The following PHF20L1 variants were observed in gnomAD, a reference collection of about 807,000 sequenced individuals.
PHF20L1 encodes PHD finger protein 20 like 1, also known as PHD finger protein 20-like protein 1.
Under a neutral mutation model 125.5 loss-of-function variants are expected in PHF20L1, and 44 were observed. That is an observed-to-expected ratio of 0.35 (90% CI 0.28 to 0.45). The LOEUF (loss-of-function observed/expected upper bound fraction) is 0.45, where lower values mean the gene tolerates loss of function less well. PHF20L1 is among the 20% of genes least tolerant of loss of function. PHF20L1 has a pLI of 1.00. For missense variants in PHF20L1, 1,012 were observed against 1,217.2 expected, an observed-to-expected ratio of 0.83 and a Z score of 2.51; for synonymous variants, 380 against 403.1, an observed-to-expected ratio of 0.94 and a Z score of 0.69.
chr8:132,794,273 A>T, intron 2 of PHF20L1, 137 bp from the exon 3 acceptor site: 1 of 559,224 alleles, frequency 1.8e-6, no homozygotes, highest in South Asian at 2.9e-5. Context: ...TTTTTTGGTT[A>T]GTTTTAAAAT....
At chr8:132,786,890 G>A (rs1831098994) in intron 2 of PHF20L1, among the ~76,000 whole-genome samples, 1 of 152,064 alleles carries the variant, frequency 6.6e-6, no homozygotes, top group Non-Finnish European at 1.5e-5. Flanking sequence ...AAATGCAGGA[G>A]GAATTGATGT....
At chr8:132,836,302 CTT>C (rs759214925) in intron 15 of PHF20L1, 80 of 305,720 alleles carry the variant, frequency 2.6e-4, no homozygotes, top group Admixed American at 6.4e-4. Context: ...CTAAAAGACA[CTT>C]TGAGTTACTT....
intron 12 of PHF20L1, among the ~76,000 whole-genome samples, chr8:132,820,507 A>C (rs1171128380): frequency 6.6e-6 from 1 of 151,938 alleles, no homozygotes; most frequent in Non-Finnish European, 1.5e-5. Flanking sequence ...AGCAAGATTA[A>C]GTGCCTGAAT....
At chr8:132,800,851 T>C (rs1832962334) in intron 6 of PHF20L1, among the ~76,000 whole-genome samples, 1 of 151,614 alleles carries the variant, frequency 6.6e-6, no homozygotes, top group Non-Finnish European at 1.5e-5. Flanking sequence ...CTGTAGTCCT[T>C]CTAACACTGT....
In PHF20L1 at chr8:132,825,367, A is replaced by G. The variant is rs754684900; in HGVS notation, c.1740A>G (p.Gln580=). ...KKKKKKKKSK[Q]HDYSDYEDSS... ...AAAAAAAGAAAAAGAAATCTAAGCA[A>G]CATGGTAAGTACACTGAGATGATTA... is the stretch of plus-strand genomic sequence containing the variant. Residue 580 remains glutamine, a synonymous_variant, in exon 14 of 21, where the codon CAA becomes CAG. Coordinates refer to ENST00000395386, the MANE Select transcript of PHF20L1 (RefSeq NM_016018.5). The G allele has an allele frequency of 1.1e-5, 17 of 1,498,888 alleles. No homozygotes were observed. In the South Asian group the frequency reaches 1.9e-4, roughly 17 times the overall value. The allele number at this position is 1,498,888 out of a possible 1,614,324, so 92.8% of individuals were successfully genotyped here.
chr8:132,775,854 A>G (rs1325270313), intron 1 of PHF20L1, among the ~76,000 whole-genome samples: 1 of 151,680 alleles, frequency 6.6e-6, no homozygotes, highest in East Asian at 1.9e-4. Context: ...TCAAACCTGG[A>G]GGCTTCTCCA....
At chr8:132,843,307 A>G (rs1838115170) in intron 19 of PHF20L1, 2 of 984,610 alleles carry the variant, frequency 2.0e-6, no homozygotes, top group Non-Finnish European at 2.4e-6. Context: ...AATGCATCCC[A>G]CTATTCAGTA....
At chr8:132,775,924 G>A (rs957991192) in intron 1 of PHF20L1, among the ~76,000 whole-genome samples, 1 of 152,074 alleles carries the variant, frequency 6.6e-6, no homozygotes, top group Non-Finnish European at 1.5e-5. Context: ...TCTCTGTCTG[G>A]CCTCACCTCC....
intron 1 of PHF20L1, 55 bp downstream of exon 1, chr8:132,775,700 C>T (rs1412715677): frequency 9.4e-6 from 3 of 317,852 alleles, no homozygotes; most frequent in Admixed American, 5.0e-5. Flanking sequence ...CCGGGCCGCC[C>T]GGGACGCCCC....
chr8:132,795,584 G>A (rs1317633760), intron 4 of PHF20L1, among the ~76,000 whole-genome samples: 1 of 151,926 alleles, frequency 6.6e-6, no homozygotes, highest in South Asian at 2.1e-4. Flanking sequence ...AAAAGTTTTG[G>A]AATACTTGCA....
chr8:132,832,425 A>G, intron 15 of PHF20L1, 26 bp downstream of exon 15: 1 of 1,545,376 alleles, frequency 6.5e-7, no homozygotes, highest in Non-Finnish European at 8.9e-7. Context: ...TGATGGTTAA[A>G]ACAAGACTTA....
intron 15 of PHF20L1, among the ~76,000 whole-genome samples, chr8:132,833,692 TAGGGGTTA>T (rs1293810551): frequency 1.3e-5 from 2 of 152,198 alleles, no homozygotes; most frequent in African/African-American, 4.8e-5. Flanking sequence ...AGATGGAGAA[TAGGGGTTA>T]TATCTAGGCT....
rs1027301067 is a variant in PHF20L1, at chr8:132,848,770, G to A, written c.*2847G>A. 6.6e-6 allele frequency: 1 copy of A among 151,684 alleles called. No homozygotes were observed. The highest frequency in any genetic ancestry group is 1.5e-5 in the Non-Finnish European group (1 of 67,904). 9.4% of individuals were successfully genotyped at this position (151,684 alleles called of 1,614,324 possible). ...ATATTTCACATGTTCAAAATGAAGC[G>A]TACTATTTCCCCTCCAATAAACGAA... is the stretch of plus-strand genomic sequence containing the variant. On this transcript the variant is annotated 3_prime_UTR_variant, in exon 21 of 21. Coordinates refer to ENST00000395386, the MANE Select transcript of PHF20L1 (RefSeq NM_016018.5).
chr8:132,826,114 A>G (rs1238335793), intron 14 of PHF20L1: 2 of 152,110 alleles, frequency 1.3e-5, no homozygotes, highest in Admixed American at 6.5e-5. Context: ...TTACTTATGG[A>G]CATAGTTCCA....
intron 4 of PHF20L1, among the ~76,000 whole-genome samples, chr8:132,795,155 G>A (rs1301393429): frequency 1.3e-5 from 2 of 152,092 alleles, no homozygotes; most frequent in Non-Finnish European, 2.9e-5. Flanking sequence ...CCAAGAGTGT[G>A]AGGAAAGGTT....
At chr8:132,776,325 T>C (rs933687646) in intron 1 of PHF20L1, among the ~76,000 whole-genome samples, 1 of 152,208 alleles carries the variant, frequency 6.6e-6, no homozygotes, top group Non-Finnish European at 1.5e-5. Flanking sequence ...TAGATGTTAG[T>C]GTACCTTGTG....
At chr8:132,813,045 A>G (rs998939468) in intron 9 of PHF20L1, 77 of 956,702 alleles carry the variant, frequency 8.0e-5, no homozygotes, top group Non-Finnish European at 9.2e-5. Flanking sequence ...AACAATGTTA[A>G]TTTTTCCTTG....
chr8:132,804,103 G>A, intron 7 of PHF20L1, 71 bp downstream of exon 7: 4 of 1,010,466 alleles, frequency 4.0e-6, no homozygotes, highest in Non-Finnish European at 6.0e-6. Context: ...AAATCCCTTG[G>A]CTTCCTTTGA....
At chr8:132,839,350 G>T (rs1837696491) in intron 17 of PHF20L1, 37 bp from the exon 18 acceptor site, 1 of 1,504,998 alleles carries the variant, frequency 6.6e-7, no homozygotes, top group Admixed American at 1.7e-5. Flanking sequence ...CCGAGTAAGT[G>T]CAGTCCTCTG....
Sources: gnomAD v4.1 joint callset for allele counts (sites outside exome capture counted in the v4.1 genomes callset) on GRCh38, gnomAD v4.1.1 for gene constraint, MANE v1.5 for transcripts, NCBI Gene and HGNC (gene_info 2026-07-23, HGNC 2026-07-21) for gene names.